The following MLXIP variants were observed in gnomAD, a reference collection of about 807,000 sequenced individuals.
MLXIP encodes MLX-interacting protein.
Under a neutral mutation model 87.2 loss-of-function variants are expected in MLXIP, and 30 were observed. The observed-to-expected ratio is 0.34, with a 90% confidence interval of 0.26 to 0.47. The LOEUF (loss-of-function observed/expected upper bound fraction) is 0.47. Among genes scored for constraint, MLXIP ranks in the 20% least tolerant of loss-of-function variants. The pLI is 1.00. For synonymous variants in MLXIP, 530 were observed against 514.0 expected (o/e 1.03, Z -0.42); for missense variants, 1,002 against 1,240.1 (o/e 0.81, Z 2.88).
chr12:122,113,303 A>G (rs1035308889), intron 1 of MLXIP, among the ~76,000 whole-genome samples: 1 of 152,134 alleles, frequency 6.6e-6, no homozygotes, highest in African/African-American at 2.4e-5. Context: ...TCTGCCACGC[A>G]GGCTAGAGTA....
chr12:122,140,296 T>TATTC (rs1428309298), intron 15 of MLXIP, among the ~76,000 whole-genome samples: 2 of 152,078 alleles, frequency 1.3e-5, no homozygotes, highest in African/African-American at 2.4e-5. Context: ...TGCCTTTATT[T>TATTC]ATTTATTTAT....
intron 16 of MLXIP, 60 bp downstream of exon 16, chr12:122,141,143 C>T: frequency 6.5e-7 from 1 of 1,546,404 alleles, no homozygotes; most frequent in Non-Finnish European, 8.7e-7. Context: ...AGGACAGCCC[C>T]AGGCTGAGGA....
intron 1 of MLXIP, among the ~76,000 whole-genome samples, chr12:122,125,263 C>T (rs1287810387): frequency 1.3e-5 from 2 of 150,760 alleles, no homozygotes; most frequent in African/African-American, 2.5e-5. Flanking sequence ...AGCCAGGAGG[C>T]GGAAGTTGCA....
In MLXIP at chr12:122,135,053, CAT is replaced by C. The variant is rs1953061387; in HGVS notation, c.1733-170_1733-169del. The C allele has an allele frequency of 5.5e-6, 4 of 726,098 alleles. No homozygotes were observed. The highest frequency in any genetic ancestry group is 9.5e-6 in the Non-Finnish European group (4 of 421,932). The allele number at this position is 726,098 out of a possible 1,614,324, so 45.0% of individuals were successfully genotyped here. A position where few individuals can be genotyped will look rare whatever the true frequency, so the allele number is the denominator to read the frequency against. ...GGCCATCTCTTTCCTGGGTCTATAA[CAT>C]GTCTCCTTCAAGAAGTCACACAAAT... is the stretch of plus-strand genomic sequence containing the variant. On this transcript the variant is annotated intron_variant, in intron 9 of 16. Coordinates refer to ENST00000319080, the MANE Select transcript of MLXIP (RefSeq NM_014938.6). The surrounding 1 kb of genome is among the most constrained non-coding windows in gnomAD (Gnocchi z 5.3).
chr12:122,128,143 A>C (rs1952912038), intron 3 of MLXIP, 175 bp downstream of exon 3: 1 of 593,196 alleles, frequency 1.7e-6, no homozygotes, highest in Non-Finnish European at 3.0e-6. Context: ...TGGCAACCCC[A>C]GGCTGCAGAG....
chr12:122,096,978 A>G (rs1190764555), intron 1 of MLXIP, among the ~76,000 whole-genome samples: 2 of 152,212 alleles, frequency 1.3e-5, no homozygotes, highest in Admixed American at 6.5e-5. Context: ...AGCTGACTCA[A>G]CGCTCTGAAA....
At chr12:122,098,272 CA>C (rs1952386166) in intron 1 of MLXIP, among the ~76,000 whole-genome samples, 1 of 152,162 alleles carries the variant, frequency 6.6e-6, no homozygotes, top group Non-Finnish European at 1.5e-5. Flanking sequence ...TTCTTCCCCA[CA>C]GAGAGATTTT....
intron 15 of MLXIP, among the ~76,000 whole-genome samples, chr12:122,140,186 G>A (rs1445060913): frequency 6.6e-6 from 1 of 152,210 alleles, no homozygotes; most frequent in East Asian, 1.9e-4. Flanking sequence ...AAGTCCGAGG[G>A]GAAACATGCC....
rs145702605 is a variant in MLXIP, at chr12:122,087,778, C to G, written c.413+8512C>G. On this transcript the variant is annotated intron_variant, in intron 1 of 16. Transcript: ENST00000319080. ...AGGGAGGGTGAGAGCAGGAGCGAGG[C>G]TACCAGTTGGGCGGTTGTGGAGCTC... Among the ~76,000 whole-genome samples, 602 of 152,268 alleles carry G rather than the reference C, an allele frequency of 4.0e-3. 2 individuals carry two copies. Among genetic ancestry groups the G allele is most frequent in the Non-Finnish European group, 6.8e-3 (464 of 68,016 alleles).
Position 122,124,361 on chromosome 12 carries a change from CCGTCCTCAGCCGTCCCCCACCTCAG to C in MLXIP, c.414-2893_414-2869del. On this transcript the variant is annotated intron_variant, in intron 1 of 16. Transcript: ENST00000319080. ...AGCCGTCCCCCTCCTCAGCCGTCCC[CCGTCCTCAGCCGTCCCCCACCTCAG>C]CCGCCCCCCCGCCCTCAGCCGTCCC... Among the ~76,000 whole-genome samples, 3 of 11,210 alleles carry C rather than the reference CCGTCCTCAGCCGTCCCCCACCTCAG, an allele frequency of 2.7e-4. 1 individual carries two copies. In the South Asian group the frequency reaches 7.3e-3, roughly 27 times the overall value. The allele number at this position is 11,210 out of a possible 152,430, so 7.4% of individuals were successfully genotyped here.
intron 1 of MLXIP, among the ~76,000 whole-genome samples, chr12:122,103,720 A>T (rs1382446790): frequency 6.9e-6 from 1 of 145,534 alleles, no homozygotes; most frequent in Non-Finnish European, 1.5e-5. Context: ...TAGTAGAGAC[A>T]GGGTTTCACC....
At chr12:122,139,470 T>C (rs1953157482) in intron 15 of MLXIP, among the ~76,000 whole-genome samples, 1 of 152,136 alleles carries the variant, frequency 6.6e-6, no homozygotes, top group African/African-American at 2.4e-5. Context: ...GGGGAGTGGT[T>C]CCCGCCTGGT....
chr12:122,095,892 A>G (rs960451488), intron 1 of MLXIP, among the ~76,000 whole-genome samples: 1 of 151,480 alleles, frequency 6.6e-6, no homozygotes, highest in Non-Finnish European at 1.5e-5. Context: ...TTGAGACAGA[A>G]TCTCGCTCTG....
At chr12:122,112,569 C>T (rs1457547290) in intron 1 of MLXIP, among the ~76,000 whole-genome samples, 1 of 151,858 alleles carries the variant, frequency 6.6e-6, no homozygotes, top group African/African-American at 2.4e-5. Flanking sequence ...GTGGCCTGAA[C>T]CCAGGAGGCA....
At chr12:122,111,932 A>G (rs192404564) in intron 1 of MLXIP, among the ~76,000 whole-genome samples, 224 of 152,354 alleles carry the variant, frequency 1.5e-3, no homozygotes, top group African/African-American at 5.1e-3. Context: ...CATAATCCCA[A>G]TCAACATATT....
In MLXIP at chr12:122,133,889, C is replaced by G; in HGVS notation, c.1634C>G (p.Ser545Cys). ...RLTFVHPKPV[S>C]LTGGRPKQPH... is the part of the protein sequence containing the mutation. The stretch of plus-strand genomic sequence containing the variant: ...ACTTTTGTGCACCCCAAACCTGTAT[C>G]CTTGACTGGGGGCAGGCCTAAGCAG... Residue 545 changes from serine (S) to cysteine (C), a missense_variant, in exon 9 of 17, where the codon TCC becomes TGC. By Grantham distance (112) the Ser-to-Cys change is moderately radical. Transcript: ENST00000319080. This position sits in a 1 kb window ranked among gnomAD's most constrained non-coding sequence, Gnocchi z 4.9. The G allele has an allele frequency of 1.2e-6, 2 of 1,611,326 alleles. No homozygotes were observed. The highest frequency in any genetic ancestry group is 1.1e-5 in the South Asian group (1 of 90,520).
chr12:122,138,997 G>A, intron 15 of MLXIP, 59 bp downstream of exon 15: 1 of 1,602,860 alleles, frequency 6.2e-7, no homozygotes, highest in South Asian at 1.1e-5. Context: ...TGAAGCCACA[G>A]ACCGTGGCAC....
intron 1 of MLXIP, among the ~76,000 whole-genome samples, chr12:122,091,148 A>G (rs1316143074): frequency 6.6e-6 from 1 of 152,208 alleles, no homozygotes; most frequent in Non-Finnish European, 1.5e-5. Flanking sequence ...AAAAATATTG[A>G]AAACAGTTCT....
At chr12:122,097,867 T>C (rs1166673478) in intron 1 of MLXIP, among the ~76,000 whole-genome samples, 1 of 148,318 alleles carries the variant, frequency 6.7e-6, no homozygotes, top group African/African-American at 2.5e-5. Flanking sequence ...ACAAGAAACC[T>C]TGGCAGAAGG....
Sources: gnomAD v4.1 joint callset for allele counts (sites outside exome capture counted in the v4.1 genomes callset) on GRCh38, gnomAD v4.1.1 for gene constraint, Gnocchi (gnomAD v3.1) non-coding constraint, MANE v1.5 for transcripts, NCBI Gene and HGNC (gene_info 2026-07-23, HGNC 2026-07-21) for gene names.